ADD1: variants seen among roughly 807,000 people sequenced by gnomAD.
ADD1 encodes the protein adducin 1.
ADD1 carries 24 observed loss-of-function variants against 80.5 expected under a neutral mutation model. The ratio of observed to expected loss-of-function variants is 0.30; its 90% CI spans 0.22 to 0.42. The LOEUF is 0.42. ADD1 is among the 10% of genes least tolerant of loss of function. The probability of loss-of-function intolerance (pLI) is 1.00; values close to 1 mark genes in which losing one functional copy is unlikely to be tolerated. For missense variants in ADD1, 948 were observed against 1,019.0 expected, an observed-to-expected ratio of 0.93 and a Z score of 0.95; for synonymous variants, 373 against 393.8, an observed-to-expected ratio of 0.95 and a Z score of 0.63.
intron 1 of ADD1, among the ~76,000 whole-genome samples, chr4:2,866,702 T>C (rs1729610190): frequency 6.6e-6 from 1 of 152,184 alleles, no homozygotes; most frequent in Non-Finnish European, 1.5e-5. Flanking sequence ...TGTGCTGCAA[T>C]ACAGTAGATG....
At chr4:2,890,172 C>T (rs4690005) in intron 4 of ADD1, among the ~76,000 whole-genome samples, 78,625 of 146,482 alleles carry the variant, frequency 0.54, 21,122 homozygotes, top group African/African-American at 0.62. Context: ...CCAGCCTGGG[C>T]GACAGAGTGA....
Position 2,852,178 on chromosome 4 carries a change from C to CTTTCTTTCTT in ADD1, c.-21+8156_-21+8165dup, listed in dbSNP as rs1553815220. On this transcript the variant is annotated intron_variant, in intron 1 of 15. Transcript: ENST00000683351. ...TCTTTCTTTCTTTCTTTCTTTCTTTCTTTCTTTCTTTCTTTCTTTCCTTTC... is the reference window on the plus strand; with the variant it reads ...TCTTTCTTTCTTTCTTTCTTTCTTTCTTTCTTTCTTTTTCTTTCTTTCTTTCTTTCCTTTC... Among the ~76,000 whole-genome samples the CTTTCTTTCTT allele has an allele frequency of 2.7e-4, 16 of 58,600 alleles. 2 individuals carry two copies. Among genetic ancestry groups the CTTTCTTTCTT allele is most frequent in the African/African-American group, 1.1e-3 (14 of 13,178 alleles). 38.4% of individuals were successfully genotyped at this position (58,600 alleles called of 152,430 possible).
At chr4:2,888,897 T>TTTCATATA (rs1733846520) in intron 4 of ADD1, among the ~76,000 whole-genome samples, 1 of 152,064 alleles carries the variant, frequency 6.6e-6, no homozygotes, top group African/African-American at 2.4e-5. Flanking sequence ...AAATATATAC[T>TTTCATATA]GTTTACAGCT....
chr4:2,916,957 C>T (rs1210410666), intron 14 of ADD1, among the ~76,000 whole-genome samples: 1 of 152,170 alleles, frequency 6.6e-6, no homozygotes, highest in Non-Finnish European at 1.5e-5. Context: ...TGAGTTGTTT[C>T]CAACTCTTTC....
intron 4 of ADD1, among the ~76,000 whole-genome samples, chr4:2,892,106 G>C (rs1734386900): frequency 6.6e-6 from 1 of 152,118 alleles, no homozygotes; most frequent in East Asian, 1.9e-4. Context: ...AGGGAGGCTG[G>C]GGTAAGCATC....
chr4:2,897,630 G>T (rs755186245), intron 6 of ADD1, among the ~76,000 whole-genome samples: 2 of 141,616 alleles, frequency 1.4e-5, no homozygotes, highest in African/African-American at 5.3e-5. Flanking sequence ...GATTCCTCCT[G>T]CCTCAGCCTC....
intron 1 of ADD1, among the ~76,000 whole-genome samples, chr4:2,852,245 TTC>T (rs774382939): frequency 1.4e-4 from 19 of 138,184 alleles, no homozygotes; most frequent in Non-Finnish European, 1.9e-4. Context: ...CTTTCTTTCT[TTC>T]TCTTTCTTTC....
At chr4:2,912,979 G>A (rs957569861) in intron 13 of ADD1, among the ~76,000 whole-genome samples, 5 of 152,074 alleles carry the variant, frequency 3.3e-5, no homozygotes, top group African/African-American at 1.2e-4. Flanking sequence ...CGAGTACCTG[G>A]GATTACAGAT....
chr4:2,862,860 T>A (rs1729006146), intron 1 of ADD1, among the ~76,000 whole-genome samples: 1 of 152,244 alleles, frequency 6.6e-6, no homozygotes, highest in African/African-American at 2.4e-5. Context: ...ATGCCTGGTC[T>A]ATAGCAGCCT....
chr4:2,908,772 A>C (rs1049673919), intron 12 of ADD1, 168 bp downstream of exon 12: 1 of 636,210 alleles, frequency 1.6e-6, no homozygotes, highest in African/African-American at 1.8e-5. Context: ...CTTTTCGTTG[A>C]GTTCTAGAAG....
At chr4:2,914,056 C>CT (rs1738541976) in intron 13 of ADD1, among the ~76,000 whole-genome samples, 1 of 102,028 alleles carries the variant, frequency 9.8e-6, no homozygotes, top group African/African-American at 3.6e-5. Flanking sequence ...GAGACTCCGT[C>CT]TCAAAAAAAA....
rs1399479957 is a variant in ADD1 at position 2,928,731 on chromosome 4, G to A, written c.*208G>A. 1 of 540,324 alleles carries A rather than the reference G, an allele frequency of 1.9e-6. No individual in the cohort carries two copies. The highest frequency in any genetic ancestry group is 3.4e-5 in the East Asian group (1 of 29,620). The allele number at this position is 540,324 out of a possible 1,614,324, so 33.5% of individuals were successfully genotyped here. A position where few individuals can be genotyped will look rare whatever the true frequency, so the allele number is the denominator to read the frequency against. On this transcript the variant is annotated 3_prime_UTR_variant, in exon 16 of 16. Transcript: ENST00000683351. ...CCCCACCCTGCCCCTTGTCCTCTCA[G>A]AGCCTCAGCTTCTGGGGGAGACATG...
intron 1 of ADD1, among the ~76,000 whole-genome samples, chr4:2,870,421 T>C (rs1318584446): frequency 6.6e-6 from 1 of 152,250 alleles, no homozygotes; most frequent in East Asian, 1.9e-4. Flanking sequence ...AGTCAGGATT[T>C]TCTTCAATGC....
chr4:2,926,062 A>G lies in ADD1; in HGVS notation c.1997A>G (p.Gln666Arg), dbSNP rs1255327081. The change falls in exon 15 of 16, where the codon CAG becomes CGG. Residue 666 changes from glutamine to arginine, a missense_variant. Coordinates refer to ENST00000683351, the MANE Select transcript of ADD1 (RefSeq NM_001354761.2). The surrounding 1 kb of genome is among the most constrained non-coding windows in gnomAD (Gnocchi z 5.0). ...CAGAAAGAAAAGAGTCCTCCAGACC[A>G]GCCTGCGGTCCCCCACCCGCCTCCC... ...REQKEKSPPD[Q>R]PAVPHPPPST... 6.2e-7 allele frequency: 1 copy of G among 1,614,214 alleles called. No individual in the cohort carries two copies. The highest frequency in any genetic ancestry group is 1.7e-5 in the Admixed American group (1 of 60,026).
intron 14 of ADD1, 152 bp from the exon 15 acceptor site, chr4:2,925,862 A>C (rs1209991594): frequency 3.3e-6 from 2 of 613,744 alleles, no homozygotes; most frequent in Non-Finnish European, 5.8e-6. Flanking sequence ...AGCTTCCTTT[A>C]TCCTCTCTTG....
chr4:2,875,809 TTG>T, intron 1 of ADD1, 85 bp from the exon 2 acceptor site: 4 of 1,098,758 alleles, frequency 3.6e-6, no homozygotes, highest in Non-Finnish European at 5.1e-6. Flanking sequence ...CTGTTGAAGA[TTG>T]TGTTTACCAA....
intron 10 of ADD1, chr4:2,905,483 G>A (rs747443096): frequency 2.3e-5 from 5 of 215,294 alleles, no homozygotes; most frequent in Non-Finnish European, 3.8e-5. Context: ...CTGTATTTTA[G>A]TGTTGTGAAC....
intron 1 of ADD1, among the ~76,000 whole-genome samples, chr4:2,854,664 T>C (rs1560142561): frequency 6.6e-6 from 1 of 152,238 alleles, no homozygotes. Flanking sequence ...TTTCTTGGTC[T>C]TCATTGTCTG....
rs1735627497 is a variant in ADD1, at chr4:2,898,443, T to C, written c.896T>C (p.Leu299Pro). 6.2e-7 allele frequency: 1 copy of C among 1,614,082 alleles called. No individual in the cohort carries two copies. Among genetic ancestry groups the C allele is most frequent in the Non-Finnish European group, 8.5e-7 (1 of 1,180,044 alleles). Reference protein sequence around the residue: ...NLGPKSKVLILRNHGLVSVGE... With the variant: ...NLGPKSKVLIPRNHGLVSVGE... ...CATGCTTCCCCTCAGGTTCTTATTC[T>C]CCGGAACCATGGGCTCGTGTCAGTT... is the stretch of plus-strand genomic sequence containing the variant. Residue 299 changes from leucine to proline, a missense_variant, in exon 8 of 16, where the codon CTC becomes CCC. Transcript: ENST00000683351.
Sources: gnomAD v4.1 joint callset for allele counts (sites outside exome capture counted in the v4.1 genomes callset) on GRCh38, gnomAD v4.1.1 for gene constraint, Gnocchi (gnomAD v3.1) non-coding constraint, MANE v1.5 for transcripts, NCBI Gene and HGNC (gene_info 2026-07-23, HGNC 2026-07-21) for gene names.